FAM240A: variants seen among roughly 807,000 people sequenced by gnomAD.
FAM240A encodes the protein family with sequence similarity 240 member A.
In FAM240A, 8 loss-of-function variants were observed where a neutral mutation model predicts 7.3. The ratio of observed to expected loss-of-function variants is 1.09; its 90% CI spans 0.64 to 1.97. The LOEUF (loss-of-function observed/expected upper bound fraction) is 1.97. Ranked by LOEUF, FAM240A falls within the 30% of genes most tolerant of loss-of-function variation. FAM240A has a pLI of 0.00. For synonymous variants in FAM240A, 32 were observed against 35.9 expected, an observed-to-expected ratio of 0.89 and a Z score of 0.38; for missense variants, 90 against 102.2, an observed-to-expected ratio of 0.88 and a Z score of 0.52.
At chr3:46,617,481 C>T (rs1697644124) in intron 2 of FAM240A, among the ~76,000 whole-genome samples, 153 bp downstream of exon 2, 1 of 152,148 alleles carries the variant, frequency 6.6e-6, no homozygotes, top group Admixed American at 6.5e-5. Context: ...AACATCTGCA[C>T]CAGTGGTACC....
At chr3:46,618,481 G>C (rs1316166693) in intron 2 of FAM240A, among the ~76,000 whole-genome samples, 1 of 152,194 alleles carries the variant, frequency 6.6e-6, no homozygotes, top group African/African-American at 2.4e-5. Context: ...TCCAAGAGAG[G>C]CACAAGCCAA....
chr3:46,622,106 CTTT>C (rs1171256555), intron 2 of FAM240A, among the ~76,000 whole-genome samples: 2 of 79,674 alleles, frequency 2.5e-5, no homozygotes, highest in African/African-American at 4.6e-5. Context: ...AGAAAATTTT[CTTT>C]TTTTTTTTTT....
Position 46,612,600 on chromosome 3 carries a change from G to A in FAM240A, c.-84G>A. On this transcript the variant is annotated 5_prime_UTR_variant, in exon 1 of 3. Transcript: ENST00000640551. ...CTTGTTGATTTGCTGAACGTGAATT[G>A]GCTCCTGGGGCAGCACAGATGCCTC... The A allele has an allele frequency of 9.5e-7, 1 of 1,048,376 alleles. No individual in the cohort carries two copies. Among genetic ancestry groups the A allele is most frequent in the Non-Finnish European group, 1.4e-6 (1 of 701,704 alleles). 64.9% of individuals were successfully genotyped at this position (1,048,376 alleles called of 1,614,324 possible). A position where few individuals can be genotyped will look rare whatever the true frequency, so the allele number is the denominator to read the frequency against.
intron 2 of FAM240A, among the ~76,000 whole-genome samples, chr3:46,621,596 TA>T (rs1247954509): frequency 6.6e-6 from 1 of 151,954 alleles, no homozygotes. Context: ...TCTGTCCCTA[TA>T]AAAAATACAA....
chr3:46,616,683 A>G (rs1697631397), intron 1 of FAM240A, among the ~76,000 whole-genome samples: 1 of 137,568 alleles, frequency 7.3e-6, no homozygotes, highest in African/African-American at 2.8e-5. Flanking sequence ...GCTGAGTAGT[A>G]TTCCATTACA....
Position 46,625,336 on chromosome 3 carries a change from C to T in FAM240A, c.*118C>T. 1.0e-5 allele frequency: 7 copies of T among 671,630 alleles called. No homozygotes were observed. The South Asian group carries it at 1.3e-4, about 12-fold the overall frequency. The allele number at this position is 671,630 out of a possible 1,614,324, so 41.6% of individuals were successfully genotyped here. A position where few individuals can be genotyped will look rare whatever the true frequency, so the allele number is the denominator to read the frequency against. ...AATCAGCTCTCACACTATTGTTTCC[C>T]CACCTGGGAGAGGACTTACCTGTAA... On this transcript the variant is annotated 3_prime_UTR_variant, in exon 3 of 3. Transcript: ENST00000640551.
chr3:46,623,719 G>A (rs1212668584), intron 2 of FAM240A, among the ~76,000 whole-genome samples: 1 of 152,086 alleles, frequency 6.6e-6, no homozygotes, highest in Non-Finnish European at 1.5e-5. Context: ...ATTAGGTTTA[G>A]CATGGACTAT....
chr3:46,620,440 A>C (rs1697681609), intron 2 of FAM240A, among the ~76,000 whole-genome samples: 1 of 150,884 alleles, frequency 6.6e-6, no homozygotes, highest in Admixed American at 6.6e-5. Context: ...AAAAAAGGTG[A>C]TCTATAACCA....
In FAM240A at chr3:46,616,690, TACACACACACACACAC is replaced by T. The variant is rs3087116; in HGVS notation, c.16-469_16-454del. ...TTTTTTAGGCTGAGTAGTATTCCAT[TACACACACACACACAC>T]ACACACACACACACACACACACATA... On this transcript the variant is annotated intron_variant, in intron 1 of 2. Transcript: ENST00000640551. 5.6e-3 allele frequency among the ~76,000 whole-genome samples: 802 copies of T among 143,636 alleles called. 8 individuals carry two copies. The highest frequency in any genetic ancestry group is 0.02 in the African/African-American group (751 of 38,468). 94.2% of individuals were successfully genotyped at this position (143,636 alleles called of 152,430 possible).
intron 2 of FAM240A, among the ~76,000 whole-genome samples, chr3:46,620,886 G>A (rs1468161449): frequency 6.6e-6 from 1 of 152,132 alleles, no homozygotes; most frequent in African/African-American, 2.4e-5. Context: ...ATAATGGCAA[G>A]GTAGTTTCTT....
intron 1 of FAM240A, among the ~76,000 whole-genome samples, chr3:46,613,265 C>G (rs373179294): frequency 6.6e-6 from 1 of 151,964 alleles, no homozygotes; most frequent in African/African-American, 2.4e-5. Context: ...AGACCAAGGC[C>G]GGTGGATCAC....
At chr3:46,622,998 C>T (rs1697714277) in intron 2 of FAM240A, among the ~76,000 whole-genome samples, 1 of 152,112 alleles carries the variant, frequency 6.6e-6, no homozygotes, top group Non-Finnish European at 1.5e-5. Context: ...GATATATGAA[C>T]ACAATATATA....
intron 1 of FAM240A, 84 bp from the exon 2 acceptor site, chr3:46,617,099 A>G (rs1575384877): frequency 1.7e-5 from 16 of 944,718 alleles, no homozygotes; most frequent in Non-Finnish European, 2.5e-5. Context: ...TTGTGGTTTT[A>G]ATTTACATTT....
intron 1 of FAM240A, among the ~76,000 whole-genome samples, chr3:46,613,949 C>T (rs975388578): frequency 4.6e-5 from 7 of 152,132 alleles, no homozygotes; most frequent in African/African-American, 1.4e-4. Context: ...GACAGGGTCT[C>T]GCTTTGTCCC....
intron 2 of FAM240A, among the ~76,000 whole-genome samples, chr3:46,620,997 C>T (rs758724991): frequency 6.6e-6 from 1 of 152,134 alleles, no homozygotes; most frequent in Non-Finnish European, 1.5e-5. Context: ...CAGCCTTAAG[C>T]TGAGGAAGCT....
chr3:46,618,135 C>G (rs1575385315), intron 2 of FAM240A, among the ~76,000 whole-genome samples: 1 of 152,216 alleles, frequency 6.6e-6, no homozygotes, highest in Admixed American at 6.5e-5. Flanking sequence ...GGGCCCATGA[C>G]TCCATGGCCA....
intron 1 of FAM240A, among the ~76,000 whole-genome samples, chr3:46,613,489 T>TAAA (rs1697590583): frequency 1.2e-4 from 3 of 24,056 alleles, no homozygotes; most frequent in Non-Finnish European, 3.7e-4. Flanking sequence ...GTGAAACTCC[T>TAAA]TCTAAATAAA....
At chr3:46,624,231 C>G (rs538245356) in intron 2 of FAM240A, among the ~76,000 whole-genome samples, 1 of 147,714 alleles carries the variant, frequency 6.8e-6, no homozygotes, top group African/African-American at 2.5e-5. Flanking sequence ...CCCCACAGTA[C>G]ATCATTAATA....
intron 2 of FAM240A, among the ~76,000 whole-genome samples, chr3:46,623,850 T>C (rs1296001377): frequency 6.6e-6 from 1 of 152,230 alleles, no homozygotes. Context: ...GCATTTTTAT[T>C]GCGTTGTTTA....
Sources: allele counts gnomAD v4.1 joint callset (sites outside exome capture counted in the v4.1 genomes callset), GRCh38; gene constraint gnomAD v4.1.1; transcripts MANE v1.5; gene names NCBI Gene and HGNC (gene_info 2026-07-23, HGNC 2026-07-21).